The following WWP1 variants were observed in gnomAD, a reference collection of about 807,000 sequenced individuals.
The protein encoded by WWP1 is WW domain containing E3 ubiquitin protein ligase 1.
A neutral mutation model predicts 130.6 loss-of-function variants in WWP1; 49 were observed. The observed-to-expected ratio is 0.38, with a 90% CI of 0.30 to 0.48. WWP1 has a LOEUF of 0.48. Among genes scored for constraint, WWP1 ranks in the 20% least tolerant of loss-of-function variants. WWP1 has a pLI of 0.99. For missense variants in WWP1, 809 were observed against 1,100.6 expected (o/e 0.74, Z 3.75); for synonymous variants, 332 against 367.8 (o/e 0.90, Z 1.11).
intron 8 of WWP1, among the ~76,000 whole-genome samples, chr8:86,405,747 G>C (rs1808243650): frequency 6.6e-6 from 1 of 152,056 alleles, no homozygotes; most frequent in South Asian, 2.1e-4. Context: ...GCCCAGGCTA[G>C]TCTCAATCTC....
At chr8:86,355,379 A>G (rs1168163006) in intron 1 of WWP1, among the ~76,000 whole-genome samples, 3 of 152,186 alleles carry the variant, frequency 2.0e-5, no homozygotes, top group Admixed American at 6.5e-5. Context: ...GCTCAGCTCC[A>G]TGACTCTGCT....
At chr8:86,427,324 C>T (rs192155026) in intron 10 of WWP1, among the ~76,000 whole-genome samples, 4 of 152,042 alleles carry the variant, frequency 2.6e-5, no homozygotes, top group East Asian at 1.9e-4. Flanking sequence ...CTGCAGCAAA[C>T]GACCATGGCA....
intron 9 of WWP1, among the ~76,000 whole-genome samples, chr8:86,422,790 T>C (rs1809302864): frequency 6.6e-6 from 1 of 152,040 alleles, no homozygotes; most frequent in South Asian, 2.1e-4. Flanking sequence ...TTGAGAGTCT[T>C]CAAAATAGAA....
intron 5 of WWP1, among the ~76,000 whole-genome samples, chr8:86,392,074 T>C (rs1465618729): frequency 2.0e-5 from 3 of 152,228 alleles, no homozygotes; most frequent in Non-Finnish European, 4.4e-5. Context: ...GAGTTAGGGT[T>C]ATCCCTAAGA....
At chr8:86,434,003 C>T (rs781436222) in intron 14 of WWP1, among the ~76,000 whole-genome samples, 8 of 152,118 alleles carry the variant, frequency 5.3e-5, no homozygotes, top group Non-Finnish European at 1.2e-4. Flanking sequence ...CTAGTTACCT[C>T]AACTTCAAAA....
rs555585296 is a variant in WWP1 at position 86,370,855 on chromosome 8, C to CTT, written c.-22+1851_-22+1852dup. On this transcript the variant is annotated intron_variant, in intron 2 of 24. Transcript: ENST00000517970. ...GGTATTGCTTATAGCTATATTCATT[C>CTT]TTTTTTTTTTTTTTTTTTTTTTTTT... is the stretch of plus-strand genomic sequence containing the variant. 4.8e-3 allele frequency among the ~76,000 whole-genome samples: 215 copies of CTT among 44,884 alleles called. 52 individuals carry two copies. Among genetic ancestry groups the CTT allele is most frequent in the African/African-American group, 0.01 (97 of 9,654 alleles). 29.4% of individuals were successfully genotyped at this position (44,884 alleles called of 152,430 possible). A position where few individuals can be genotyped will look rare whatever the true frequency, so the allele number is the denominator to read the frequency against.
intron 1 of WWP1, among the ~76,000 whole-genome samples, chr8:86,362,615 A>G (rs778891189): frequency 3.3e-5 from 5 of 152,108 alleles, no homozygotes; most frequent in Non-Finnish European, 7.4e-5. Flanking sequence ...GTAGTACATG[A>G]GCCCCAAATC....
At chr8:86,372,062 C>T (rs1167358646) in intron 2 of WWP1, among the ~76,000 whole-genome samples, 5 of 122,202 alleles carry the variant, frequency 4.1e-5, no homozygotes, top group Admixed American at 9.7e-5. Context: ...TTCGCTCTGT[C>T]GCCCAGGCTG....
At chr8:86,353,702 C>G (rs1230648477) in intron 1 of WWP1, among the ~76,000 whole-genome samples, 2 of 152,068 alleles carry the variant, frequency 1.3e-5, no homozygotes, top group Non-Finnish European at 2.9e-5. Flanking sequence ...AGGCTGGTCT[C>G]GAACTCCTGA....
At chr8:86,376,429 C>T (rs1824658293) in intron 3 of WWP1, among the ~76,000 whole-genome samples, 1 of 152,008 alleles carries the variant, frequency 6.6e-6, no homozygotes, top group Admixed American at 6.6e-5. Flanking sequence ...ATTAGCCGGG[C>T]ATAGTGGCAC....
intron 3 of WWP1, among the ~76,000 whole-genome samples, chr8:86,380,389 C>A (rs1824915327): frequency 6.6e-6 from 1 of 151,920 alleles, no homozygotes; most frequent in Admixed American, 6.6e-5. Context: ...AAGGGGGTGA[C>A]TGCTTAATGG....
In WWP1 at chr8:86,467,290, G is replaced by C. The variant is rs1167398874; in HGVS notation, c.*397G>C. ...TTATCTAGGGGAAAAAGTGCAAATT[G>C]CTCCATGTTCTTCTCTCCCTTATGT... On this transcript the variant is annotated 3_prime_UTR_variant, in exon 25 of 25. Coordinates refer to ENST00000517970, the MANE Select transcript of WWP1 (RefSeq NM_007013.4). 3.8e-5 allele frequency: 6 copies of C among 158,442 alleles called. No individual in the cohort carries two copies. The allele number at this position is 158,442 out of a possible 1,614,324, so 9.8% of individuals were successfully genotyped here.
At chr8:86,350,331 A>G (rs1563455758) in intron 1 of WWP1, among the ~76,000 whole-genome samples, 1 of 152,228 alleles carries the variant, frequency 6.6e-6, no homozygotes. Context: ...TGAAATGAAG[A>G]AAATGAGTGT....
chr8:86,419,793 A>G (rs943217395), intron 9 of WWP1, among the ~76,000 whole-genome samples: 1 of 152,214 alleles, frequency 6.6e-6, no homozygotes, highest in African/African-American at 2.4e-5. Flanking sequence ...TGTTGTGAAA[A>G]TTTTAGTACA....
At chr8:86,460,790 C>CTTTTTTTTTTTTTTTT (rs59506795) in intron 22 of WWP1, among the ~76,000 whole-genome samples, 2 of 62,404 alleles carry the variant, frequency 3.2e-5, no homozygotes, top group Non-Finnish European at 6.4e-5. Context: ...TTTAGCACAT[C>CTTTTTTTTTTTTTTTT]TTTTTTTTTT....
At chr8:86,461,419 C>A in intron 23 of WWP1, 99 bp downstream of exon 23, 1 of 1,055,918 alleles carries the variant, frequency 9.5e-7, no homozygotes, top group Non-Finnish European at 1.4e-6. Context: ...GATTACTCTT[C>A]TGTGCTGTAG....
chr8:86,431,636 G>A lies in WWP1; in HGVS notation c.1494G>A (p.Leu498=), dbSNP rs1371699801. 2 of 1,613,906 alleles carry A rather than the reference G, an allele frequency of 1.2e-6. No homozygotes were observed. The highest frequency in any genetic ancestry group is 1.7e-5 in the Admixed American group (1 of 59,998). The change falls in exon 14 of 25, where the codon CTG becomes CTA. Residue 498 remains leucine, a synonymous_variant. Transcript: ENST00000517970. The part of the protein sequence containing the change: ...RTQGLQNEEP[L]PEGWEIRYTR... ...TTAGCTTACAGAATGAAGAACCCCTGCCAGAAGGCTGGGAAATTAGATATA... is the reference window on the plus strand; with the variant it reads ...TTAGCTTACAGAATGAAGAACCCCTACCAGAAGGCTGGGAAATTAGATATA...
At chr8:86,388,195 T>C (rs567313094) in intron 5 of WWP1, among the ~76,000 whole-genome samples, 104 of 151,186 alleles carry the variant, frequency 6.9e-4, no homozygotes, top group African/African-American at 2.5e-3. Flanking sequence ...CTTTCCTTCC[T>C]ACTTACTTTT....
chr8:86,384,206 T>A (rs796281288), intron 5 of WWP1, among the ~76,000 whole-genome samples: 1 of 152,186 alleles, frequency 6.6e-6, no homozygotes, highest in South Asian at 2.1e-4. Context: ...TCTAAAAACG[T>A]CACATTTTGA....
Sources: gnomAD v4.1 joint callset for allele counts (sites outside exome capture counted in the v4.1 genomes callset) on GRCh38, gnomAD v4.1.1 for gene constraint, MANE v1.5 for transcripts, NCBI Gene and HGNC (gene_info 2026-07-23, HGNC 2026-07-21) for gene names.